The following FBLN5 variants were observed in gnomAD, a reference collection of about 807,000 sequenced individuals.
FBLN5 encodes fibulin-5.
In FBLN5, 24 loss-of-function variants were observed where a neutral mutation model predicts 61.6. The observed-to-expected ratio is 0.39, with a 90% CI of 0.28 to 0.55. FBLN5 has a LOEUF of 0.55. Ranked by LOEUF, FBLN5 falls within the 20% of genes least tolerant of loss-of-function variation. The pLI, the probability that FBLN5 is intolerant of heterozygous loss-of-function variation, is 0.65. For missense variants in FBLN5, 470 were observed against 594.1 expected (o/e 0.79, Z 2.17); for synonymous variants, 213 against 219.8 (o/e 0.97, Z 0.27).
At chr14:91,919,631 T>C (rs2055699740) in intron 4 of FBLN5, among the ~76,000 whole-genome samples, 1 of 152,192 alleles carries the variant, frequency 6.6e-6, no homozygotes, top group Non-Finnish European at 1.5e-5. Flanking sequence ...TAGCGGGCCC[T>C]ACTCCAAAAT....
At chr14:91,887,354 G>A (rs768501431) in intron 6 of FBLN5, 42 bp from the exon 7 acceptor site, 1 of 1,605,676 alleles carries the variant, frequency 6.2e-7, no homozygotes, top group East Asian at 2.2e-5. Flanking sequence ...CCTCCCAACA[G>A]AACAGCCACA....
chr14:91,921,014 T>C (rs775327570), intron 4 of FBLN5, among the ~76,000 whole-genome samples: 6 of 152,194 alleles, frequency 3.9e-5, no homozygotes, highest in African/African-American at 7.2e-5. Context: ...AAGTACCACA[T>C]TGGGAATTCT....
chr14:91,935,249 T>C (rs983497910), intron 4 of FBLN5, among the ~76,000 whole-genome samples: 3 of 152,172 alleles, frequency 2.0e-5, no homozygotes, highest in African/African-American at 7.2e-5. Flanking sequence ...ACTGGGACCC[T>C]GGAAAGAGGT....
rs141163767 is a variant in FBLN5 at position 91,880,442 on chromosome 14, C to T, written c.989+850G>A. Among the ~76,000 whole-genome samples, 562 of 152,284 alleles carry T rather than the reference C, an allele frequency of 3.7e-3. 4 individuals are homozygous for T. The highest frequency in any genetic ancestry group is 0.013 in the African/African-American group (529 of 41,544). ...GATTCTAGAACCCTGACTCAACTCT[C>T]GGCTTGGTTAGCTTTCTAGAGAATC... On this transcript the variant is annotated intron_variant, in intron 9 of 10. Coordinates refer to ENST00000342058, the MANE Select transcript of FBLN5 (RefSeq NM_006329.4).
chr14:91,882,920 T>C lies in FBLN5; in HGVS notation c.862+34A>G. 1 of 1,610,996 alleles carries C rather than the reference T, an allele frequency of 6.2e-7. No homozygotes were observed. Among genetic ancestry groups the C allele is most frequent in the African/African-American group, 1.3e-5 (1 of 74,954 alleles). On this transcript the variant is annotated intron_variant, in intron 8 of 10. Transcript: ENST00000342058. This position sits in a 1 kb window ranked among gnomAD's most constrained non-coding sequence, Gnocchi z 4.9. The stretch of plus-strand genomic sequence containing the variant: ...CCCTGAAGCAGCTCCACCTCACACA[T>C]ACACCCCAGCCAGGCCCCTCCGGAC...
Position 91,882,828 on chromosome 14 carries a change from ACACCCC to A in FBLN5, c.862+120_862+125del. 9.0e-7 allele frequency: 1 copy of A among 1,110,384 alleles called. No homozygotes were observed. The highest frequency in any genetic ancestry group is 1.3e-6 in the Non-Finnish European group (1 of 758,156). 68.8% of individuals were successfully genotyped at this position (1,110,384 alleles called of 1,614,324 possible). ...CTATGAGAGCCACCAGCACCCACTCACACCCCCACCCCTGCCACCTTCCCAAAGCTG... is the reference window on the plus strand; with the variant it reads ...CTATGAGAGCCACCAGCACCCACTCACACCCCTGCCACCTTCCCAAAGCTG... On this transcript the variant is annotated intron_variant, in intron 8 of 10. Coordinates refer to ENST00000342058, the MANE Select transcript of FBLN5 (RefSeq NM_006329.4). This position sits in a 1 kb window ranked among gnomAD's most constrained non-coding sequence, Gnocchi z 4.9.
At chr14:91,915,467 C>A (rs542661276) in intron 4 of FBLN5, among the ~76,000 whole-genome samples, 2 of 151,796 alleles carry the variant, frequency 1.3e-5, no homozygotes, top group African/African-American at 2.4e-5. Context: ...GGGTGGATCA[C>A]GAGGTCAGGA....
chr14:91,903,787 T>C (rs569470399), intron 4 of FBLN5, among the ~76,000 whole-genome samples: 1 of 152,310 alleles, frequency 6.6e-6, no homozygotes, highest in South Asian at 2.1e-4. Context: ...CAGGCAGTTC[T>C]TCTGAAAATC....
chr14:91,943,001 A>T lies in FBLN5; in HGVS notation c.18-40T>A. ...AGTCAAATATAAATGCCCAAGACAG[A>T]TTCAGGTCTAGGGGAGTGTGGGTCG... On this transcript the variant is annotated intron_variant, in intron 1 of 10. Transcript: ENST00000342058. This position sits in a 1 kb window ranked among gnomAD's most constrained non-coding sequence, Gnocchi z 4.0. The T allele has an allele frequency of 1.5e-6, 2 of 1,374,566 alleles. No homozygotes were observed. Among genetic ancestry groups the T allele is most frequent in the Non-Finnish European group, 2.0e-6 (2 of 984,302 alleles). The allele number at this position is 1,374,566 out of a possible 1,614,324, so 85.1% of individuals were successfully genotyped here.
At chr14:91,913,710 T>A (rs149692181) in intron 4 of FBLN5, among the ~76,000 whole-genome samples, 111 of 152,376 alleles carry the variant, frequency 7.3e-4, no homozygotes, top group Non-Finnish European at 1.1e-3. Context: ...ACTTACTAAA[T>A]GACATCTACA....
intron 7 of FBLN5, among the ~76,000 whole-genome samples, chr14:91,883,846 G>A (rs1213607207): frequency 1.3e-5 from 2 of 152,166 alleles, no homozygotes; most frequent in Non-Finnish European, 2.9e-5. Flanking sequence ...CCCTGTCCAT[G>A]TGATTTACAA....
intron 10 of FBLN5, 101 bp from the exon 11 acceptor site, chr14:91,870,486 C>T (rs1024659003): frequency 5.3e-6 from 6 of 1,122,718 alleles, no homozygotes; most frequent in African/African-American, 1.5e-5. Flanking sequence ...AACTGGCACC[C>T]CCTCGGTGCC....
chr14:91,894,810 A>T lies in FBLN5; in HGVS notation c.502+140T>A, dbSNP rs1228791194. ...CAAGGGTGGTTACACATGTGAGTTC[A>T]ATAGCCTTCCACCCCTCCCGCCCTC... On this transcript the variant is annotated intron_variant, in intron 5 of 10. Transcript: ENST00000342058. 4.9e-6 allele frequency: 4 copies of T among 810,012 alleles called. No individual in the cohort carries two copies. In the Admixed American group the frequency reaches 8.1e-5, roughly 16 times the overall value. 50.2% of individuals were successfully genotyped at this position (810,012 alleles called of 1,614,324 possible).
chr14:91,881,722 G>A (rs1799170341), intron 8 of FBLN5, among the ~76,000 whole-genome samples: 1 of 152,058 alleles, frequency 6.6e-6, no homozygotes, highest in East Asian at 1.9e-4. Flanking sequence ...GAAGCCAGGA[G>A]TTCAAGACCG....
intron 10 of FBLN5, among the ~76,000 whole-genome samples, chr14:91,873,153 T>C (rs1371186579): frequency 6.6e-6 from 1 of 152,164 alleles, no homozygotes; most frequent in Non-Finnish European, 1.5e-5. Context: ...CCACAAGAGC[T>C]GAGGACAGCC....
intron 4 of FBLN5, among the ~76,000 whole-genome samples, chr14:91,905,863 C>A (rs538839561): frequency 1.2e-4 from 18 of 151,474 alleles, no homozygotes; most frequent in Non-Finnish European, 2.5e-4. Context: ...CAGGTGTGAG[C>A]CACCACACCT....
intron 4 of FBLN5, among the ~76,000 whole-genome samples, chr14:91,929,041 G>C (rs2055877884): frequency 6.6e-6 from 1 of 151,250 alleles, no homozygotes; most frequent in Admixed American, 6.6e-5. Context: ...CTGGGCGATA[G>C]AGTGAGACTC....
chr14:91,883,023 G>C lies in FBLN5; in HGVS notation c.793C>G (p.Gln265Glu). 1 of 1,614,102 alleles carries C rather than the reference G, an allele frequency of 6.2e-7. No homozygotes were observed. ...CAGGAGCAGAAGTATGTGCCGGGCT[G>C]GTTCACACACTCATGTTGGCAGAGG... ...EFLCQHECVN[Q>E]PGTYFCSCPP... The change falls in exon 8 of 11, where the codon CAG (glutamine) becomes GAG (glutamate). Residue 265 changes from glutamine to glutamate, a missense_variant. Transcript: ENST00000342058.
chr14:91,906,696 A>G (rs1291245101), intron 4 of FBLN5, among the ~76,000 whole-genome samples: 1 of 152,212 alleles, frequency 6.6e-6, no homozygotes, highest in Non-Finnish European at 1.5e-5. Context: ...GGATGTCTCC[A>G]GTGAGGAAGG....
Sources: allele counts gnomAD v4.1 joint callset (sites outside exome capture counted in the v4.1 genomes callset), GRCh38; gene constraint gnomAD v4.1.1; non-coding constraint Gnocchi (gnomAD v3.1); transcripts MANE v1.5; gene names NCBI Gene and HGNC (gene_info 2026-07-23, HGNC 2026-07-21).